WDR19: variants seen among roughly 807,000 people sequenced by gnomAD.
WDR19 encodes WD repeat domain 19, also known as WD repeat-containing protein 19.
WDR19 carries 121 observed loss-of-function variants against 180.0 expected under a neutral mutation model. The observed-to-expected ratio is 0.67, with a 90% confidence interval of 0.58 to 0.78. The LOEUF (loss-of-function observed/expected upper bound fraction) is 0.78, where lower values mean the gene tolerates loss of function less well. Ranked by LOEUF, WDR19 falls within the 30% of genes least tolerant of loss-of-function variation. The probability of loss-of-function intolerance (pLI) is 0.00; values close to 1 mark genes in which losing one functional copy is unlikely to be tolerated. For missense variants in WDR19, 1,450 were observed against 1,640.7 expected, an observed-to-expected ratio of 0.88 and a Z score of 2.01; for synonymous variants, 497 against 540.7, an observed-to-expected ratio of 0.92 and a Z score of 1.12.
Position 39,217,147 on chromosome 4 carries a change from G to GAA in WDR19, c.1265_1266dup (p.Asp423LysfsTer9). On this transcript the variant is annotated frameshift_variant, in exon 13 of 37. Coordinates refer to ENST00000399820, the MANE Select transcript of WDR19 (RefSeq NM_025132.4). LOFTEE classifies it high-confidence loss of function. The stretch of plus-strand genomic sequence containing the variant: ...AAATTGCTACAGCTGTGAAAAAATT[G>GAA]AAAGATATGGAGTATCTGGGAACAG... The GAA allele has an allele frequency of 6.2e-7, 1 of 1,604,382 alleles. No homozygotes were observed. The highest frequency in any genetic ancestry group is 1.1e-5 in the South Asian group (1 of 88,566).
chr4:39,281,664 T>C (rs1258297410), intron 36 of WDR19, among the ~76,000 whole-genome samples: 2 of 152,214 alleles, frequency 1.3e-5, no homozygotes, highest in Non-Finnish European at 2.9e-5. Flanking sequence ...TGTTGCTGTA[T>C]AACAAATTAT....
At chr4:39,220,185 A>G (rs1729509717) in intron 14 of WDR19, among the ~76,000 whole-genome samples, 1 of 152,136 alleles carries the variant, frequency 6.6e-6, no homozygotes, top group South Asian at 2.1e-4. Flanking sequence ...ACGCCACTAC[A>G]CTCCAGCCTG....
At chr4:39,281,796 G>C (rs142572481) in intron 36 of WDR19, among the ~76,000 whole-genome samples, 1 of 152,256 alleles carries the variant, frequency 6.6e-6, no homozygotes, top group Non-Finnish European at 1.5e-5. Flanking sequence ...GATAATCATC[G>C]TGTTGACTGG....
At chr4:39,183,023 A>G (rs1180828048) in intron 1 of WDR19, among the ~76,000 whole-genome samples, 1 of 152,054 alleles carries the variant, frequency 6.6e-6, no homozygotes, top group African/African-American at 2.4e-5. Flanking sequence ...AAAGAATGAA[A>G]AGCCTCCTAA....
At chr4:39,276,971 G>A (rs756570873) in intron 33 of WDR19, 49 bp from the exon 34 acceptor site, 35 of 1,606,834 alleles carry the variant, frequency 2.2e-5, no homozygotes, top group African/African-American at 4.0e-5. Context: ...TGCCATCCCC[G>A]GTACATGAAT....
At chr4:39,260,344 T>C (rs967006615) in intron 28 of WDR19, among the ~76,000 whole-genome samples, 1 of 148,994 alleles carries the variant, frequency 6.7e-6, no homozygotes, top group Non-Finnish European at 1.5e-5. Flanking sequence ...TTTTTTCTTT[T>C]TTTTTTTTTT....
intron 1 of WDR19, among the ~76,000 whole-genome samples, chr4:39,184,403 C>T (rs1396356405): frequency 1.3e-5 from 2 of 151,500 alleles, no homozygotes; most frequent in African/African-American, 2.4e-5. Context: ...CAGAGCAAGA[C>T]GCTGTCTAAA....
chr4:39,257,380 A>G, intron 27 of WDR19, 106 bp from the exon 28 acceptor site: 1 of 1,037,928 alleles, frequency 9.6e-7, no homozygotes, highest in Non-Finnish European at 1.4e-6. Flanking sequence ...AGATGAAGAT[A>G]CTTTCACAGA....
intron 9 of WDR19, among the ~76,000 whole-genome samples, chr4:39,206,321 A>G (rs971542457): frequency 6.6e-6 from 1 of 152,166 alleles, no homozygotes; most frequent in Non-Finnish European, 1.5e-5. Flanking sequence ...TGCTCCAGCC[A>G]CCAAGCAGTC....
chr4:39,211,697 A>C (rs2109314752), intron 9 of WDR19, among the ~76,000 whole-genome samples: 1 of 152,308 alleles, frequency 6.6e-6, no homozygotes, highest in Middle Eastern at 3.4e-3. Flanking sequence ...CTGCTTAAGT[A>C]TACCTCTAAC....
At chr4:39,249,500 A>G (rs1365977812) in intron 24 of WDR19, among the ~76,000 whole-genome samples, 4 of 152,210 alleles carry the variant, frequency 2.6e-5, no homozygotes, top group African/African-American at 9.6e-5. Flanking sequence ...AGATCAGAGC[A>G]GAACTGAAGG....
chr4:39,243,848 C>T (rs996867846), intron 21 of WDR19, among the ~76,000 whole-genome samples: 3 of 151,396 alleles, frequency 2.0e-5, no homozygotes, highest in Admixed American at 6.6e-5. Context: ...CAATTACTAA[C>T]GAAATGAAGT....
intron 9 of WDR19, 56 bp downstream of exon 9, chr4:39,205,792 T>C: frequency 7.1e-7 from 1 of 1,415,538 alleles, no homozygotes; most frequent in Admixed American, 2.4e-5. Context: ...CTTAAGTGAA[T>C]CAGCCAAACT....
At chr4:39,197,445 A>G (rs966299868) in intron 5 of WDR19, among the ~76,000 whole-genome samples, 1 of 138,362 alleles carries the variant, frequency 7.2e-6, no homozygotes, top group African/African-American at 2.6e-5. Context: ...AAAAAAAAAA[A>G]GAAAGAAAAA....
In WDR19 at chr4:39,270,247, C is replaced by T. The variant is rs1208482033; in HGVS notation, c.3483+147C>T. ...CAAAACAAGATACAGAACATATCTACAATACGCTGCTTTGTGTGGAATGAG... is the reference window on the plus strand; with the variant it reads ...CAAAACAAGATACAGAACATATCTATAATACGCTGCTTTGTGTGGAATGAG... On this transcript the variant is annotated intron_variant, in intron 31 of 36. Coordinates refer to ENST00000399820, the MANE Select transcript of WDR19 (RefSeq NM_025132.4). 3.5e-6 allele frequency: 4 copies of T among 1,151,080 alleles called. No homozygotes were observed. In the African/African-American group the frequency reaches 6.2e-5, roughly 18 times the overall value. The allele number at this position is 1,151,080 out of a possible 1,614,324, so 71.3% of individuals were successfully genotyped here. A position where few individuals can be genotyped will look rare whatever the true frequency, so the allele number is the denominator to read the frequency against.
chr4:39,205,273 C>A lies in WDR19; in HGVS notation c.716+7C>A. 1 of 1,568,878 alleles carries A rather than the reference C, an allele frequency of 6.4e-7. No individual in the cohort carries two copies. The highest frequency in any genetic ancestry group is 1.2e-5 in the South Asian group (1 of 85,936). On this transcript the variant is annotated splice_region_variant and intron_variant, in intron 8 of 36. Transcript: ENST00000399820. Reference sequence around the variant, plus strand: ...ACATTGTCTGCTATAATTGGTATGTCTGCTATAACTGGTATGTACAAAAAG... The same window carrying A: ...ACATTGTCTGCTATAATTGGTATGTATGCTATAACTGGTATGTACAAAAAG...
chr4:39,213,194 G>A (rs1458605009), intron 9 of WDR19, among the ~76,000 whole-genome samples: 1 of 152,160 alleles, frequency 6.6e-6, no homozygotes, highest in Non-Finnish European at 1.5e-5. Flanking sequence ...TAAAAAACTG[G>A]ACATGCAATT....
chr4:39,200,707 G>T (rs750811953), intron 6 of WDR19, among the ~76,000 whole-genome samples: 12 of 152,126 alleles, frequency 7.9e-5, no homozygotes, highest in Non-Finnish European at 1.5e-4. Flanking sequence ...GCCATATTTT[G>T]TTCTTTAGAA....
chr4:39,274,996 T>A (rs1265131902), intron 33 of WDR19, 38 bp downstream of exon 33: 2 of 1,566,750 alleles, frequency 1.3e-6, no homozygotes, highest in Admixed American at 3.5e-5. Flanking sequence ...CTAATCGTAT[T>A]TCTCAAAGTA....
Sources: allele counts gnomAD v4.1 joint callset (sites outside exome capture counted in the v4.1 genomes callset), GRCh38; gene constraint gnomAD v4.1.1; transcripts MANE v1.5; gene names NCBI Gene and HGNC (gene_info 2026-07-23, HGNC 2026-07-21).